Variants in PIK3C3 observed in about 807,000 individuals in gnomAD.
PIK3C3 encodes PI3-kinase type 3.
PIK3C3 carries 95 observed loss-of-function variants against 126.1 expected under a neutral mutation model. The observed-to-expected ratio is 0.75, with a 90% CI of 0.64 to 0.89. PIK3C3 has a LOEUF of 0.89. Ranked by LOEUF, PIK3C3 falls within the 40% of genes least tolerant of loss-of-function variation. The probability of loss-of-function intolerance (pLI) is 0.00; values close to 1 mark genes in which losing one functional copy is unlikely to be tolerated. For missense variants in PIK3C3, 829 were observed against 1,063.2 expected, an observed-to-expected ratio of 0.78 and a Z score of 3.06; for synonymous variants, 374 against 360.0, an observed-to-expected ratio of 1.04 and a Z score of -0.44.
chr18:41,955,808 A>G (rs890026641), intron 1 of PIK3C3, among the ~76,000 whole-genome samples: 8 of 152,198 alleles, frequency 5.3e-5, no homozygotes, highest in Non-Finnish European at 1.0e-4. Context: ...AGATGAGCAC[A>G]TGGTGTATTA....
In PIK3C3 at chr18:41,957,653, A is replaced by C. The variant is rs776478837; in HGVS notation, c.152A>C (p.Gln51Pro). The C allele has an allele frequency of 6.2e-7, 1 of 1,613,956 alleles. No individual in the cohort carries two copies. The highest frequency in any genetic ancestry group is 1.7e-5 in the Admixed American group (1 of 59,990). The change falls in exon 2 of 25, where the codon CAA becomes CCA. Residue 51 changes from glutamine (Q) to proline (P), a missense_variant. Coordinates refer to ENST00000262039, the MANE Select transcript of PIK3C3 (RefSeq NM_002647.4). ...DPMLKFSGLY[Q>P]ETCSDLYVTC... ...ATGTTGAAGTTCTCAGGACTATATC[A>C]AGAGACATGCTCTGATCTTTATGTT...
chr18:42,072,887 G>A (rs1416722654), intron 24 of PIK3C3, among the ~76,000 whole-genome samples: 1 of 152,026 alleles, frequency 6.6e-6, no homozygotes, highest in Non-Finnish European at 1.5e-5. Context: ...GAAAGATAGA[G>A]GTCATATAGT....
intron 4 of PIK3C3, among the ~76,000 whole-genome samples, chr18:41,977,295 C>CA (rs1206082071): frequency 1.3e-5 from 2 of 152,126 alleles, no homozygotes; most frequent in East Asian, 3.9e-4. Flanking sequence ...AGTGCAACCT[C>CA]AAAGGACAAA....
Position 42,033,824 on chromosome 18 carries a change from A to G in PIK3C3, c.1708-2A>G. 6.3e-7 allele frequency: 1 copy of G among 1,594,504 alleles called. No homozygotes were observed. Among genetic ancestry groups the G allele is most frequent in the Non-Finnish European group, 8.6e-7 (1 of 1,168,460 alleles). Reference sequence around the variant, plus strand: ...TCATTAATCCTTTCTGATTTGTTCTAGAATGAGAGACTACAGGCATTGCTT... The same window carrying G: ...TCATTAATCCTTTCTGATTTGTTCTGGAATGAGAGACTACAGGCATTGCTT... On this transcript the variant is annotated splice_acceptor_variant, in intron 15 of 24. Transcript: ENST00000262039. LOFTEE classifies it high-confidence loss of function.
chr18:41,957,563 C>G lies in PIK3C3; in HGVS notation c.69-7C>G, dbSNP rs1220160111. 2 of 1,603,826 alleles carry G rather than the reference C, an allele frequency of 1.2e-6. No homozygotes were observed. Among genetic ancestry groups the G allele is most frequent in the Non-Finnish European group, 1.7e-6 (2 of 1,177,634 alleles). On this transcript the variant is annotated splice_region_variant and splice_polypyrimidine_tract_variant and intron_variant, in intron 1 of 24. Coordinates refer to ENST00000262039, the MANE Select transcript of PIK3C3 (RefSeq NM_002647.4). Reference sequence around the variant, plus strand: ...TGTCTGAAACATTGTTGGTCTTGTGCTTTCAGAGGAAGCTTGGAAGGGAAG... The same window carrying G: ...TGTCTGAAACATTGTTGGTCTTGTGGTTTCAGAGGAAGCTTGGAAGGGAAG...
chr18:42,037,223 G>T (rs1208472641), intron 16 of PIK3C3, among the ~76,000 whole-genome samples: 1 of 152,114 alleles, frequency 6.6e-6, no homozygotes, highest in Non-Finnish European at 1.5e-5. Context: ...TTGTTATGTT[G>T]TACTGTTTCA....
intron 4 of PIK3C3, among the ~76,000 whole-genome samples, chr18:41,987,609 C>T (rs1279125608): frequency 6.6e-6 from 1 of 151,872 alleles, no homozygotes; most frequent in African/African-American, 2.4e-5. Flanking sequence ...AAATTATGGA[C>T]CTTTTTAAAA....
At chr18:42,064,011 T>G (rs1430230010) in intron 22 of PIK3C3, among the ~76,000 whole-genome samples, 2 of 152,128 alleles carry the variant, frequency 1.3e-5, no homozygotes, top group African/African-American at 4.8e-5. Flanking sequence ...TATTTAAAAC[T>G]TTCCCCAGAA....
intron 3 of PIK3C3, among the ~76,000 whole-genome samples, chr18:41,967,598 A>G (rs1475854818): frequency 6.6e-6 from 1 of 152,210 alleles, no homozygotes; most frequent in African/African-American, 2.4e-5. Flanking sequence ...ATGAGTCAGT[A>G]TGAGGCAGAA....
At chr18:42,030,609 A>AG (rs1181804608) in intron 15 of PIK3C3, among the ~76,000 whole-genome samples, 1 of 152,192 alleles carries the variant, frequency 6.6e-6, no homozygotes, top group Non-Finnish European at 1.5e-5. Flanking sequence ...CAGGTTAGAG[A>AG]GGGGAAAACA....
intron 13 of PIK3C3, among the ~76,000 whole-genome samples, chr18:42,022,502 A>C (rs1432649415): frequency 6.6e-6 from 1 of 152,162 alleles, no homozygotes; most frequent in South Asian, 2.1e-4. Flanking sequence ...AACACACACA[A>C]TTTTTGATTT....
At chr18:42,012,307 A>G (rs1225489799) in intron 10 of PIK3C3, among the ~76,000 whole-genome samples, 2 of 152,162 alleles carry the variant, frequency 1.3e-5, no homozygotes, top group African/African-American at 4.8e-5. Context: ...AAAATAGTGG[A>G]AAAACCAAGA....
At chr18:41,956,374 T>A (rs572885665) in intron 1 of PIK3C3, among the ~76,000 whole-genome samples, 2 of 152,252 alleles carry the variant, frequency 1.3e-5, no homozygotes, top group Non-Finnish European at 2.9e-5. Flanking sequence ...GTATGATACT[T>A]TATACACTCA....
intron 24 of PIK3C3, among the ~76,000 whole-genome samples, chr18:42,077,166 A>G (rs964779302): frequency 2.6e-5 from 4 of 152,200 alleles, no homozygotes; most frequent in African/African-American, 9.7e-5. Flanking sequence ...AAATATTGCT[A>G]AAAAATGCTT....
Position 42,013,293 on chromosome 18 carries a change from G to A in PIK3C3, c.1171-149G>A, listed in dbSNP as rs568385979. ...TGAAGGGGCTGTGGGGCACAGAGAA[G>A]TTAAGTAATTTGGTGACGTGCCAAA... On this transcript the variant is annotated intron_variant, in intron 10 of 24. Transcript: ENST00000262039. 1.1e-3 allele frequency: 593 copies of A among 559,252 alleles called. 1 individual carries two copies. The highest frequency in any genetic ancestry group is 1.4e-3 in the Non-Finnish European group (449 of 317,592). The allele number at this position is 559,252 out of a possible 1,614,324, so 34.6% of individuals were successfully genotyped here. A position where few individuals can be genotyped will look rare whatever the true frequency, so the allele number is the denominator to read the frequency against.
chr18:42,043,659 C>T (rs2144479170), intron 19 of PIK3C3, 74 bp from the exon 20 acceptor site: 1 of 918,780 alleles, frequency 1.1e-6, no homozygotes, highest in Non-Finnish European at 1.8e-6. Flanking sequence ...TTGCTGGTCA[C>T]TATTTATAGT....
intron 15 of PIK3C3, among the ~76,000 whole-genome samples, chr18:42,031,248 A>T (rs979051070): frequency 6.6e-6 from 1 of 152,170 alleles, no homozygotes; most frequent in Admixed American, 6.5e-5. Context: ...GAGCTATATC[A>T]CAGTGGGTAT....
At chr18:42,072,229 A>G (rs953209964) in intron 24 of PIK3C3, among the ~76,000 whole-genome samples, 3 of 152,182 alleles carry the variant, frequency 2.0e-5, no homozygotes, top group African/African-American at 4.8e-5. Context: ...ATCATTGTGG[A>G]TAGTAGAACC....
chr18:42,086,156 C>T lies in PIK3C3; in HGVS notation c.*5019C>T, dbSNP rs1029395369. ...AGAATTTCACTAGAATTTATATCTT[C>T]AGTGTTTGCATTAGATTGTCACCAG... On this transcript the variant is annotated 3_prime_UTR_variant, in exon 25 of 25. Coordinates refer to ENST00000262039, the MANE Select transcript of PIK3C3 (RefSeq NM_002647.4). The T allele has an allele frequency of 2.6e-5, 4 of 152,154 alleles. No homozygotes were observed. 9.4% of individuals were successfully genotyped at this position (152,154 alleles called of 1,614,324 possible).
Sources: gnomAD v4.1 joint callset for allele counts (sites outside exome capture counted in the v4.1 genomes callset) on GRCh38, gnomAD v4.1.1 for gene constraint, MANE v1.5 for transcripts, NCBI Gene and HGNC (gene_info 2026-07-23, HGNC 2026-07-21) for gene names.